CHIC2: variants seen among roughly 807,000 people sequenced by gnomAD.
CHIC2 encodes cysteine-rich hydrophobic domain-containing protein 2.
CHIC2 carries 14 observed loss-of-function variants against 25.9 expected under a neutral mutation model. The ratio of observed to expected loss-of-function variants is 0.54; its 90% CI spans 0.36 to 0.85. The LOEUF is 0.85. Ranked by LOEUF, CHIC2 falls within the 40% of genes least tolerant of loss-of-function variation. The probability of loss-of-function intolerance (pLI) is 0.01; values close to 1 mark genes in which losing one functional copy is unlikely to be tolerated. For synonymous variants in CHIC2, 70 were observed against 72.0 expected, an observed-to-expected ratio of 0.97 and a Z score of 0.14; for missense variants, 146 against 202.0, an observed-to-expected ratio of 0.72 and a Z score of 1.68.
chr4:54,079,420 A>G, the CHIC2 span, among the ~76,000 whole-genome samples: 2 of 152,308 alleles, frequency 1.3e-5, no homozygotes, highest in African/African-American at 2.4e-5. Context: ...GAAGTAGTAC[A>G]CTGCATCAAA....
chr4:54,029,219 A>G (rs1716149596), intron 3 of CHIC2, among the ~76,000 whole-genome samples: 1 of 152,212 alleles, frequency 6.6e-6, no homozygotes, highest in African/African-American at 2.4e-5. Context: ...AATACAAACC[A>G]TAACTCAAGT....
intron 5 of CHIC2, among the ~76,000 whole-genome samples, chr4:54,012,699 G>A (rs904350297): frequency 6.6e-6 from 1 of 152,002 alleles, no homozygotes; most frequent in African/African-American, 2.4e-5. Context: ...TTACTCAAAT[G>A]TGTTATGATT....
the CHIC2 span, among the ~76,000 whole-genome samples, chr4:54,091,211 C>T: frequency 2.0e-5 from 3 of 152,136 alleles, no homozygotes; most frequent in Non-Finnish European, 2.9e-5. Context: ...CAGACACTCC[C>T]GCCCACTCCT....
At chr4:54,049,205 A>T (rs756758015) in intron 2 of CHIC2, 46 bp downstream of exon 2, 52 of 1,566,988 alleles carry the variant, frequency 3.3e-5, no homozygotes, top group Non-Finnish European at 4.3e-5. Context: ...TCAGAAAAAA[A>T]CTTTCATTTT....
the CHIC2 span, among the ~76,000 whole-genome samples, chr4:54,084,914 T>G: frequency 5.6e-5 from 8 of 144,094 alleles, no homozygotes; most frequent in Middle Eastern, 3.5e-3. Context: ...GAGCCAAGGT[T>G]TCACCACTAA....
chr4:54,050,959 T>A (rs1716992721), intron 1 of CHIC2, among the ~76,000 whole-genome samples: 1 of 152,074 alleles, frequency 6.6e-6, no homozygotes, highest in Non-Finnish European at 1.5e-5. Flanking sequence ...ACTCCTGACC[T>A]TATCTATTCT....
intron 3 of CHIC2, among the ~76,000 whole-genome samples, chr4:54,038,009 GAAGA>G (rs1716446022): frequency 6.6e-6 from 1 of 151,870 alleles, no homozygotes; most frequent in African/African-American, 2.4e-5. Context: ...AAAGCAAGGA[GAAGA>G]AATAATAAAA....
chr4:54,023,663 C>T (rs1471883634), intron 3 of CHIC2, among the ~76,000 whole-genome samples: 1 of 152,190 alleles, frequency 6.6e-6, no homozygotes, highest in African/African-American at 2.4e-5. Flanking sequence ...CACTCACCAA[C>T]AAAGGCAGGC....
intron 1 of CHIC2, among the ~76,000 whole-genome samples, chr4:54,052,808 T>C (rs1349170461): frequency 1.3e-5 from 2 of 152,244 alleles, no homozygotes; most frequent in Non-Finnish European, 2.9e-5. Flanking sequence ...TAATTTGGCA[T>C]TGAAAATATT....
intron 3 of CHIC2, among the ~76,000 whole-genome samples, chr4:54,030,633 CAT>C (rs530127885): frequency 3.3e-4 from 48 of 145,368 alleles, no homozygotes; most frequent in Admixed American, 1.0e-3. Flanking sequence ...TATATACACA[CAT>C]ATATATATGT....
At chr4:54,080,946 A>G in the CHIC2 span, among the ~76,000 whole-genome samples, 1,138 of 15,966 alleles carry the variant, frequency 0.071, 3 homozygotes, top group Admixed American at 0.14. Context: ...GTGTGTGTAT[A>G]TATATATATA....
chr4:54,032,482 G>T (rs1031997418), intron 3 of CHIC2, among the ~76,000 whole-genome samples: 10 of 152,104 alleles, frequency 6.6e-5, no homozygotes, highest in Non-Finnish European at 1.2e-4. Flanking sequence ...TGGCCGGGCC[G>T]GTCTCCAGCT....
chr4:54,011,266 C>T (rs1334544874), intron 5 of CHIC2, among the ~76,000 whole-genome samples: 2 of 152,088 alleles, frequency 1.3e-5, no homozygotes, highest in African/African-American at 4.8e-5. Flanking sequence ...AAAGAAGATA[C>T]ACTTCTATAC....
the CHIC2 span, among the ~76,000 whole-genome samples, chr4:54,072,817 A>G: frequency 6.6e-6 from 1 of 152,234 alleles, no homozygotes; most frequent in Admixed American, 6.5e-5. Flanking sequence ...TCATGCCGGT[A>G]ATCCCAGCAC....
At chr4:54,016,912 A>G (rs1715756594) in intron 3 of CHIC2, among the ~76,000 whole-genome samples, 1 of 152,100 alleles carries the variant, frequency 6.6e-6, no homozygotes, top group Non-Finnish European at 1.5e-5. Flanking sequence ...TTAAATAGAA[A>G]AAAAAAAGGT....
chr4:54,019,941 TA>T (rs1324177037), intron 3 of CHIC2, among the ~76,000 whole-genome samples: 8 of 152,042 alleles, frequency 5.3e-5, no homozygotes, highest in African/African-American at 1.7e-4. Flanking sequence ...TTAATAAATA[TA>T]GTTTCAACTG....
intron 5 of CHIC2, among the ~76,000 whole-genome samples, chr4:54,012,160 C>T (rs976298846): frequency 5.3e-5 from 8 of 151,762 alleles, no homozygotes; most frequent in African/African-American, 1.7e-4. Flanking sequence ...CTATGTTACC[C>T]AAACTGTCTT....
At chr4:54,014,194 G>A (rs1715675018) in intron 3 of CHIC2, 75 bp from the exon 4 acceptor site, 2 of 1,211,672 alleles carry the variant, frequency 1.7e-6, no homozygotes, top group Non-Finnish European at 2.4e-6. Context: ...CTTTTTCTGT[G>A]AAAAGGGGAG....
At chr4:54,043,326 C>G (rs1363789581) in intron 3 of CHIC2, among the ~76,000 whole-genome samples, 1 of 149,698 alleles carries the variant, frequency 6.7e-6, no homozygotes, top group African/African-American at 2.5e-5. Flanking sequence ...GAGGCTGACA[C>G]AGGAGAATGG....
Sources: allele counts gnomAD v4.1 joint callset (sites outside exome capture counted in the v4.1 genomes callset), GRCh38; gene constraint gnomAD v4.1.1; transcripts MANE v1.5; gene names NCBI Gene and HGNC (gene_info 2026-07-23, HGNC 2026-07-21).